ARMC8: variants seen among roughly 807,000 people sequenced by gnomAD.
ARMC8 encodes armadillo repeat containing 8.
Under a neutral mutation model 99.3 loss-of-function variants are expected in ARMC8, and 20 were observed. The ratio of observed to expected loss-of-function variants is 0.20; its 90% CI spans 0.14 to 0.29. The LOEUF (loss-of-function observed/expected upper bound fraction) is 0.29. Ranked by LOEUF, ARMC8 falls within the 10% of genes least tolerant of loss-of-function variation. ARMC8 has a pLI of 1.00. For missense variants in ARMC8, 569 were observed against 809.5 expected (o/e 0.70, Z 3.60); for synonymous variants, 263 against 278.3 (o/e 0.95, Z 0.55).
chr3:138,247,642 A>G (rs777265514), intron 12 of ARMC8, among the ~76,000 whole-genome samples: 8 of 152,218 alleles, frequency 5.3e-5, no homozygotes, highest in Admixed American at 2.6e-4. Context: ...AGTAGAGACA[A>G]TGAGAGGTAT....
intron 1 of ARMC8, chr3:138,188,248 A>G (rs1336158110): frequency 2.2e-5 from 13 of 584,754 alleles, no homozygotes; most frequent in Middle Eastern, 5.4e-4. Context: ...GAGGAACTCT[A>G]TGTTCCCTGT....
chr3:138,265,760 G>A (rs2048219311), intron 14 of ARMC8, among the ~76,000 whole-genome samples: 1 of 152,184 alleles, frequency 6.6e-6, no homozygotes. Context: ...CCAGTGGACA[G>A]GTAAGGACGA....
chr3:138,195,858 GA>G lies in ARMC8; in HGVS notation c.45+8275del, dbSNP rs75048043. ...CTGCCCCACCACTTGTCATTTTGTT[GA>G]AAAAAAAAAAAAAAACTGTTTTGAC... On this transcript the variant is annotated intron_variant, in intron 1 of 21. Transcript: ENST00000469044. Among the ~76,000 whole-genome samples, 852 of 107,912 alleles carry G rather than the reference GA, an allele frequency of 7.9e-3. 2 individuals are homozygous for G. The highest frequency in any genetic ancestry group is 0.034 in the East Asian group (127 of 3,710). The allele number at this position is 107,912 out of a possible 152,430, so 70.8% of individuals were successfully genotyped here.
intron 1 of ARMC8, chr3:138,188,597 T>G (rs1381008909): frequency 3.7e-6 from 6 of 1,604,582 alleles, no homozygotes; most frequent in Non-Finnish European, 5.1e-6. Flanking sequence ...TGACCATCTT[T>G]TAGACTTGTG....
chr3:138,242,984 G>A (rs770695688), intron 11 of ARMC8, among the ~76,000 whole-genome samples: 1 of 152,148 alleles, frequency 6.6e-6, no homozygotes, highest in African/African-American at 2.4e-5. Context: ...CAGTAGAAGT[G>A]ATGGGTTACA....
At position 138,229,428 on chromosome 3, in the gene ARMC8, T is replaced by C. The variant is rs1243531118; in HGVS notation, c.528+418T>C. 2.0e-5 allele frequency among the ~76,000 whole-genome samples: 3 copies of C among 151,240 alleles called. No individual in the cohort carries two copies. The East Asian group carries it at 5.8e-4, about 29-fold the overall frequency. On this transcript the variant is annotated intron_variant, in intron 6 of 21. Coordinates refer to ENST00000469044, the MANE Select transcript of ARMC8 (RefSeq NM_001363941.2). ...TGGAGCATTTAGTTTGTTTCCAGTC[T>C]TATGCTATTACAAAACAGTGCTGCA...
In ARMC8 at chr3:138,229,242, GCATACCATA is replaced by G. The variant is rs2045912276; in HGVS notation, c.528+238_528+246del. 2.2e-5 allele frequency among the ~76,000 whole-genome samples: 3 copies of G among 138,018 alleles called. No individual in the cohort carries two copies. In the South Asian group the frequency reaches 6.8e-4, roughly 31 times the overall value. The allele number at this position is 138,018 out of a possible 152,430, so 90.5% of individuals were successfully genotyped here. A position where few individuals can be genotyped will look rare whatever the true frequency, so the allele number is the denominator to read the frequency against. On this transcript the variant is annotated intron_variant, in intron 6 of 21. Transcript: ENST00000469044. Reference sequence around the variant, plus strand: ...ATATATATTTAAAACACAAATGACAGCATACCATACATACTGTTCTGCACCTTAACATTT... The same window carrying G: ...ATATATATTTAAAACACAAATGACAGCATACTGTTCTGCACCTTAACATTT...
chr3:138,192,422 T>C (rs1354759770), intron 1 of ARMC8, among the ~76,000 whole-genome samples: 1 of 151,756 alleles, frequency 6.6e-6, no homozygotes, highest in Non-Finnish European at 1.5e-5. Context: ...GGACTACAGG[T>C]GCCCGCCACC....
chr3:138,280,497 CTTTTT>C (rs1039909334), intron 18 of ARMC8, among the ~76,000 whole-genome samples: 1 of 107,104 alleles, frequency 9.3e-6, no homozygotes, highest in African/African-American at 3.5e-5. Context: ...TCTTTTTTTT[CTTTTT>C]TTTTTTTTTG....
chr3:138,272,960 CT>C lies in ARMC8; in HGVS notation c.1480-4del. The C allele has an allele frequency of 1.3e-6, 2 of 1,558,732 alleles. No homozygotes were observed. The highest frequency in any genetic ancestry group is 1.7e-6 in the Non-Finnish European group (2 of 1,155,442). ...CATGATTCTTGCAACTTCTTTAATC[CT>C]TTCAGAATATGGCATTTCAGGCTGA... On this transcript the variant is annotated splice_region_variant and splice_polypyrimidine_tract_variant and intron_variant, in intron 16 of 21. Transcript: ENST00000469044.
At chr3:138,262,729 G>T in intron 12 of ARMC8, 1 of 851,350 alleles carries the variant, frequency 1.2e-6, no homozygotes, top group Non-Finnish European at 1.7e-6. Flanking sequence ...GGACAACCAA[G>T]GTTAAGATCT....
At chr3:138,233,976 T>C (rs1304408840) in intron 6 of ARMC8, among the ~76,000 whole-genome samples, 1 of 152,254 alleles carries the variant, frequency 6.6e-6, no homozygotes, top group African/African-American at 2.4e-5. Flanking sequence ...TTGCATTAAT[T>C]TTAGCTTCTG....
chr3:138,234,095 T>G (rs944252354), intron 6 of ARMC8, among the ~76,000 whole-genome samples: 1 of 151,086 alleles, frequency 6.6e-6, no homozygotes, highest in Admixed American at 6.6e-5. Context: ...AACCAATACT[T>G]TTTTGTTTTT....
At chr3:138,293,317 G>A (rs2051160325) in intron 21 of ARMC8, among the ~76,000 whole-genome samples, 1 of 152,076 alleles carries the variant, frequency 6.6e-6, no homozygotes, top group African/African-American at 2.4e-5. Flanking sequence ...CGAGGTAAGC[G>A]GATTATGAGG....
chr3:138,244,233 C>T (rs2046772095), intron 11 of ARMC8, among the ~76,000 whole-genome samples: 1 of 151,978 alleles, frequency 6.6e-6, no homozygotes, highest in Non-Finnish European at 1.5e-5. Flanking sequence ...AGCATTTTCA[C>T]AATGGGTTCT....
intron 18 of ARMC8, among the ~76,000 whole-genome samples, chr3:138,279,288 A>G (rs1197580974): frequency 6.6e-6 from 1 of 152,082 alleles, no homozygotes; most frequent in African/African-American, 2.4e-5. Flanking sequence ...TTTTCAATCA[A>G]TTACTTTCTT....
intron 19 of ARMC8, among the ~76,000 whole-genome samples, chr3:138,284,996 CA>C (rs1193307092): frequency 6.6e-6 from 1 of 152,342 alleles, no homozygotes; most frequent in East Asian, 1.9e-4. Context: ...ATGTGGGTAT[CA>C]AAAAGCCCTC....
chr3:138,206,792 G>C (rs566090800), intron 1 of ARMC8, among the ~76,000 whole-genome samples: 1 of 152,176 alleles, frequency 6.6e-6, no homozygotes, highest in Admixed American at 6.5e-5. Flanking sequence ...AGACAAAAGC[G>C]TAGAGTAAGA....
intron 21 of ARMC8, among the ~76,000 whole-genome samples, chr3:138,291,389 G>T (rs1387810532): frequency 6.6e-6 from 1 of 152,142 alleles, no homozygotes; most frequent in African/African-American, 2.4e-5. Flanking sequence ...TACACATTCT[G>T]TTCCATCTAC....
Sources: gnomAD v4.1 joint callset for allele counts (sites outside exome capture counted in the v4.1 genomes callset) on GRCh38, gnomAD v4.1.1 for gene constraint, MANE v1.5 for transcripts, NCBI Gene and HGNC (gene_info 2026-07-23, HGNC 2026-07-21) for gene names.